SMYD4: variants seen among roughly 807,000 people sequenced by gnomAD.
The protein encoded by SMYD4 is SET and MYND domain containing 4.
SMYD4 carries 68 observed loss-of-function variants against 72.8 expected under a neutral mutation model. That is an observed-to-expected ratio of 0.93 (90% CI 0.77 to 1.14). SMYD4 has a LOEUF of 1.14. Among genes scored for constraint, SMYD4 ranks in the 50% most tolerant of loss-of-function variants. SMYD4 has a pLI of 0.00. For synonymous variants in SMYD4, 407 were observed against 388.6 expected (o/e 1.05, Z -0.56); for missense variants, 984 against 1,003.7 (o/e 0.98, Z 0.27).
rs1320374373 is a variant in SMYD4 at position 1,800,646 on chromosome 17, TG to T, written c.747del (p.Thr250GlnfsTer17). On this transcript the variant is annotated frameshift_variant, in exon 5 of 11. Transcript: ENST00000305513. LOFTEE classifies it high-confidence loss of function. ...VDPLKGRCLV[A>X]TKDILPGELL... ...AGCTCTCCTGGGAGAATATCTTTTG[TG>T]GCAACGAGACAGCGACCTTTTAAAG... The T allele has an allele frequency of 3.1e-6, 5 of 1,614,058 alleles. No individual in the cohort carries two copies. In the East Asian group the frequency reaches 8.9e-5, roughly 29 times the overall value.
intron 5 of SMYD4, among the ~76,000 whole-genome samples, chr17:1,791,013 G>C (rs1908993297): frequency 6.7e-6 from 1 of 149,154 alleles, no homozygotes. Flanking sequence ...TGTAGTCCCA[G>C]CTACTCGGGA....
Position 1,781,126 on chromosome 17 carries a change from G to T in SMYD4, c.*160C>A. ...AGTAAAGATGGGGTTTCACCATGTT[G>T]GCCAGGCTGGTCTTGAACTCCTGAC... On this transcript the variant is annotated 3_prime_UTR_variant, in exon 11 of 11. Coordinates refer to ENST00000305513, the MANE Select transcript of SMYD4 (RefSeq NM_052928.3). 2.4e-6 allele frequency: 2 copies of T among 823,944 alleles called. No homozygotes were observed. Among genetic ancestry groups the T allele is most frequent in the Non-Finnish European group, 3.6e-6 (2 of 554,998 alleles). 51.0% of individuals were successfully genotyped at this position (823,944 alleles called of 1,614,324 possible).
intron 5 of SMYD4, among the ~76,000 whole-genome samples, chr17:1,794,033 ATATGTATGTATATATATATG>A (rs1909220532): frequency 2.6e-4 from 20 of 76,986 alleles, no homozygotes; most frequent in Non-Finnish European, 4.4e-4. Flanking sequence ...GTGTATATAT[ATATGTATGTATATATATATG>A]TGTGTATATA....
chr17:1,785,034 G>A (rs1435423969), intron 7 of SMYD4, among the ~76,000 whole-genome samples: 11 of 149,136 alleles, frequency 7.4e-5, no homozygotes, highest in African/African-American at 2.7e-4. Context: ...TGATCCGCTC[G>A]CCTCAGCCTC....
At chr17:1,793,829 G>GA (rs1909193368) in intron 5 of SMYD4, among the ~76,000 whole-genome samples, 1 of 144,502 alleles carries the variant, frequency 6.9e-6, no homozygotes. Context: ...TCAGTGCAGT[G>GA]TTTTTTTTTT....
intron 2 of SMYD4, among the ~76,000 whole-genome samples, chr17:1,822,481 C>A (rs1191231523): frequency 6.6e-6 from 1 of 152,116 alleles, no homozygotes; most frequent in Non-Finnish European, 1.5e-5. Context: ...TTTCTACTAG[C>A]CTTTAAGAAG....
At chr17:1,809,950 T>A (rs1191435069) in intron 3 of SMYD4, among the ~76,000 whole-genome samples, 1 of 152,162 alleles carries the variant, frequency 6.6e-6, no homozygotes, top group Non-Finnish European at 1.5e-5. Flanking sequence ...TGTGAGCCAC[T>A]GTGTCCGGCC....
Position 1,783,148 on chromosome 17 carries a change from T to G in SMYD4, c.2148A>C (p.Gln716His). The G allele has an allele frequency of 1.9e-6, 3 of 1,614,110 alleles. No homozygotes were observed. Among genetic ancestry groups the G allele is most frequent in the Non-Finnish European group, 2.5e-6 (3 of 1,180,020 alleles). The stretch of plus-strand genomic sequence containing the variant: ...TCCTCTGTAGATGGGTGGCTGACTT[T>G]TGCCAGTCTCCTGTGAGAAGAGAAA... ...ARACAALGDW[Q>H]KSATHLQRSL... is the part of the protein sequence containing the mutation. The change falls in exon 10 of 11, where the codon CAA becomes CAC. Residue 716 changes from glutamine to histidine, a missense_variant. By Grantham distance (24) the Gln-to-His change is conservative. Transcript: ENST00000305513.
intron 3 of SMYD4, 133 bp from the exon 4 acceptor site, chr17:1,804,848 G>C: frequency 1.2e-6 from 1 of 806,366 alleles, no homozygotes. Flanking sequence ...TTGTGCTTCA[G>C]CTTATCTTTT....
chr17:1,823,277 C>G lies in SMYD4; in HGVS notation c.134+4584G>C, dbSNP rs543062596. Among the ~76,000 whole-genome samples, 4 of 150,786 alleles carry G rather than the reference C, an allele frequency of 2.7e-5. No homozygotes were observed. In the South Asian group the frequency reaches 8.5e-4, roughly 32 times the overall value. On this transcript the variant is annotated intron_variant, in intron 2 of 10. Transcript: ENST00000305513. ...GGCGTGGTGGCAGGCGCCTGTAGTC[C>G]CAGCTACTCGAGAGGCTGAGGCAGG...
rs776271534 is a variant in SMYD4, at chr17:1,801,069, C to T, written c.370-45G>A. On this transcript the variant is annotated intron_variant, in intron 4 of 10. Coordinates refer to ENST00000305513, the MANE Select transcript of SMYD4 (RefSeq NM_052928.3). ...CCCACAATGACCCTTGGTCCCTATT[C>T]TTCAATGTTTACTGAAAATGTTTCC... is the stretch of plus-strand genomic sequence containing the variant. The T allele has an allele frequency of 1.3e-4, 196 of 1,506,714 alleles. 1 individual carries two copies. The highest frequency in any genetic ancestry group is 2.5e-5 in the Non-Finnish European group (28 of 1,117,182). The allele number at this position is 1,506,714 out of a possible 1,614,324, so 93.3% of individuals were successfully genotyped here.
chr17:1,817,046 A>T (rs952134025), intron 2 of SMYD4, among the ~76,000 whole-genome samples: 1 of 123,246 alleles, frequency 8.1e-6, no homozygotes, highest in Admixed American at 8.5e-5. Context: ...GGTGCACAAA[A>T]CCTTTTTTTT....
chr17:1,819,640 C>T (rs951251226), intron 2 of SMYD4, among the ~76,000 whole-genome samples: 1 of 152,154 alleles, frequency 6.6e-6, no homozygotes, highest in Non-Finnish European at 1.5e-5. Flanking sequence ...TTCCATCACA[C>T]TAGGGGTTAC....
intron 2 of SMYD4, among the ~76,000 whole-genome samples, chr17:1,825,523 T>C (rs1597401512): frequency 6.6e-6 from 1 of 150,848 alleles, no homozygotes; most frequent in East Asian, 1.9e-4. Context: ...TTTTTTTTTT[T>C]TTTTTTGAGA....
intron 2 of SMYD4, among the ~76,000 whole-genome samples, chr17:1,819,038 G>A (rs1178033288): frequency 6.6e-6 from 1 of 151,740 alleles, no homozygotes; most frequent in Non-Finnish European, 1.5e-5. Context: ...GTTTCCTCAT[G>A]GTTAGATTCA....
At chr17:1,813,731 G>C (rs955052975) in intron 2 of SMYD4, among the ~76,000 whole-genome samples, 3 of 151,868 alleles carry the variant, frequency 2.0e-5, no homozygotes, top group Admixed American at 6.6e-5. Flanking sequence ...TACTATTTTT[G>C]CAAGTAAGTC....
intron 1 of SMYD4, among the ~76,000 whole-genome samples, chr17:1,828,655 T>TGGCACCATCTCGGCTCAC (rs1307363774): frequency 6.7e-6 from 1 of 150,310 alleles, no homozygotes; most frequent in East Asian, 2.0e-4. Context: ...TGGAGTGCAG[T>TGGCACCATCTCGGCTCAC]GGCACCATCT....
intron 1 of SMYD4, among the ~76,000 whole-genome samples, chr17:1,828,558 C>T (rs551789141): frequency 7.3e-5 from 11 of 150,174 alleles, no homozygotes; most frequent in Admixed American, 4.0e-4. Context: ...TATACAAAGA[C>T]GAAGCAGACT....
intron 2 of SMYD4, among the ~76,000 whole-genome samples, chr17:1,825,296 T>A (rs1238516522): frequency 6.6e-6 from 1 of 152,158 alleles, no homozygotes; most frequent in African/African-American, 2.4e-5. Flanking sequence ...TATACATACA[T>A]CATAACATAA....
Sources: allele counts gnomAD v4.1 joint callset (sites outside exome capture counted in the v4.1 genomes callset), GRCh38; gene constraint gnomAD v4.1.1; transcripts MANE v1.5; gene names NCBI Gene and HGNC (gene_info 2026-07-23, HGNC 2026-07-21).